Variants in FAM83H observed in about 807,000 individuals in gnomAD.
FAM83H encodes the protein scaffolding CK1 anchoring protein H, also known as protein FAM83H.
FAM83H carries 24 observed loss-of-function variants against 30.2 expected under a neutral mutation model. The ratio of observed to expected loss-of-function variants is 0.79; its 90% CI spans 0.57 to 1.12. The LOEUF (loss-of-function observed/expected upper bound fraction) is 1.12, where lower values mean the gene tolerates loss of function less well. FAM83H is among the 50% of genes most tolerant of loss of function. The pLI is 0.00. For missense variants in FAM83H, 2,038 were observed against 1,773.9 expected (o/e 1.15, Z -2.67); for synonymous variants, 1,013 against 821.7 (o/e 1.23, Z -3.98).
At position 143,726,941 on chromosome 8, in the gene FAM83H, G is replaced by C. The variant is rs782215806; in HGVS notation, c.2520C>G (p.Ser840Arg). 6 of 1,611,166 alleles carry C rather than the reference G, an allele frequency of 3.7e-6. No individual in the cohort carries two copies. The African/African-American group carries it at 6.7e-5, about 18-fold the overall frequency. ...RLPSRFLSAQ[S>R]HSTSPQGLDS... ...CCAGCCCTTGCGGGGACGTTGAGTG[G>C]CTCTGGGCAGAGAGGAAGCGGGAAG... Residue 840 changes from serine (S) to arginine (R), a missense_variant, in exon 5 of 5, where the codon AGC (serine) becomes AGG (arginine). Coordinates refer to ENST00000388913, the MANE Select transcript of FAM83H (RefSeq NM_198488.5).
In FAM83H at chr8:143,726,009, C is replaced by T. The variant is rs782249917; in HGVS notation, c.3452G>A (p.Gly1151Glu). 1 of 1,612,716 alleles carries T rather than the reference C, an allele frequency of 6.2e-7. No individual in the cohort carries two copies. The highest frequency in any genetic ancestry group is 8.5e-7 in the Non-Finnish European group (1 of 1,179,812). The change falls in exon 5 of 5, where the codon GGG becomes GAG. Residue 1151 changes from glycine (G) to glutamate (E), a missense_variant. Gly to Glu is a moderately conservative substitution (Grantham distance 98). Transcript: ENST00000388913. The part of the protein sequence containing the change: ...KKEEASSPGA[G>E]EGPAEEGTRD... ...GGTGCCCTCCTCCGCGGGGCCTTCC[C>T]CTGCCCCAGGGCTGCTGGCCTCCTC...
rs782441160 is a variant in FAM83H at position 143,726,742 on chromosome 8, C to G, written c.2719G>C (p.Ala907Pro). ...FIEQKGSPTS[A>P]YPERRGSPVP... ...GGACTACCCCTGCGCTCGGGGTAGG[C>G]TGAGGTGGGGCTCCCCTTCTGCTCG... The change falls in exon 5 of 5, where the codon GCC (alanine) becomes CCC (proline). Residue 907 changes from alanine to proline, a missense_variant. Ala to Pro is a conservative substitution (Grantham distance 27). Transcript: ENST00000388913. The G allele has an allele frequency of 1.1e-5, 18 of 1,612,106 alleles. No homozygotes were observed. The highest frequency in any genetic ancestry group is 1.3e-5 in the African/African-American group (1 of 74,912).
In FAM83H at chr8:143,728,075, C is replaced by A. The variant is rs781820772; in HGVS notation, c.1386G>T (p.Pro462=). The A allele has an allele frequency of 1.3e-5, 21 of 1,610,408 alleles. No homozygotes were observed. In the East Asian group the frequency reaches 4.0e-4, roughly 31 times the overall value. The change falls in exon 5 of 5, where the codon CCG becomes CCT. Residue 462 remains proline (P), a synonymous_variant. Coordinates refer to ENST00000388913, the MANE Select transcript of FAM83H (RefSeq NM_198488.5). ...CTTGCGGGCGCGCCGGCGTGAGCTG[C>A]GGGTCCCACTGGTACTGCTGCTGGT... The part of the protein sequence containing the change: ...QLYQQQYQWD[P]QLTPARPQGL...
Position 143,733,729 on chromosome 8 carries a change from G to C in FAM83H, c.-54C>G, listed in dbSNP as rs1554625103. ...CGGGGTCTCGGCACAGGGGCAGCAG[G>C]AGCCGACCGCCGCCCAGCGGCCTCG... is the stretch of plus-strand genomic sequence containing the variant. On this transcript the variant is annotated 5_prime_UTR_variant, in exon 1 of 5. Coordinates refer to ENST00000388913, the MANE Select transcript of FAM83H (RefSeq NM_198488.5). This position sits in a 1 kb window ranked among gnomAD's most constrained non-coding sequence, Gnocchi z 5.6. The C allele has an allele frequency of 6.7e-6, 1 of 149,708 alleles. No individual in the cohort carries two copies. Among genetic ancestry groups the C allele is most frequent in the Non-Finnish European group, 1.5e-5 (1 of 67,032 alleles). The allele number at this position is 149,708 out of a possible 1,614,324, so 9.3% of individuals were successfully genotyped here.
intron 1 of FAM83H, chr8:143,731,512 C>T: frequency 1.0e-6 from 1 of 985,484 alleles, no homozygotes; most frequent in African/African-American, 1.7e-5. Flanking sequence ...ACAGCCCATT[C>T]TATGACCGCC....
Position 143,726,068 on chromosome 8 carries a change from G to C in FAM83H, c.3393C>G (p.Arg1131=). Residue 1131 remains arginine (R), a synonymous_variant, in exon 5 of 5, where the codon CGC becomes CGG. Coordinates refer to ENST00000388913, the MANE Select transcript of FAM83H (RefSeq NM_198488.5). Reference sequence around the variant, plus strand: ...AGAAGACCTCGAAGCGGCTGTACACGCGCTTCTCCTTGCGCATGCTCTCCA... The same window carrying C: ...AGAAGACCTCGAAGCGGCTGTACACCCGCTTCTCCTTGCGCATGCTCTCCA... The part of the protein sequence containing the change: ...RRMESMRKEK[R]VYSRFEVFCK... 6.2e-7 allele frequency: 1 copy of C among 1,612,214 alleles called. No homozygotes were observed. The highest frequency in any genetic ancestry group is 1.1e-5 in the South Asian group (1 of 90,986).
intron 1 of FAM83H, chr8:143,732,180 G>A (rs1818544098): frequency 1.0e-6 from 1 of 985,312 alleles, no homozygotes; most frequent in African/African-American, 1.7e-5. Context: ...GCCCCTGGGG[G>A]TGACATGGAG....
In FAM83H at chr8:143,728,367, C is replaced by T. The variant is rs1285519054; in HGVS notation, c.1094G>A (p.Gly365Asp). The T allele has an allele frequency of 9.1e-6, 14 of 1,542,056 alleles. No individual in the cohort carries two copies. The highest frequency in any genetic ancestry group is 1.2e-5 in the South Asian group (1 of 83,710). Residue 365 changes from glycine to aspartate, a missense_variant, in exon 5 of 5, where the codon GGC becomes GAC. By Grantham distance (94) the Gly-to-Asp change is moderately conservative (BLOSUM62 -1). Coordinates refer to ENST00000388913, the MANE Select transcript of FAM83H (RefSeq NM_198488.5). The stretch of plus-strand genomic sequence containing the variant: ...CAGCCCCGCGTGCGGTTCCAGCGCG[C>T]CCCCCGGCATCCGCGGCGGCTCCTC... ...RREEPPRMPG[G>D]ALEPHAGLRP... is the part of the protein sequence containing the mutation.
Position 143,727,927 on chromosome 8 carries a change from G to C in FAM83H, c.1534C>G (p.Pro512Ala). 1 of 1,534,652 alleles carries C rather than the reference G, an allele frequency of 6.5e-7. No homozygotes were observed. The highest frequency in any genetic ancestry group is 8.7e-7 in the Non-Finnish European group (1 of 1,146,976). ...PDGHQRLDYV[P>A]SSASREVRHG... ...CGCACCTCGCGGGACGCGCTGGACG[G>C]CACGTAGTCCAGCCGCTGGTGCCCG... Residue 512 changes from proline (P) to alanine (A), a missense_variant, in exon 5 of 5, where the codon CCG (proline) becomes GCG (alanine). Pro to Ala is a conservative substitution (Grantham distance 27, BLOSUM62 -1). Coordinates refer to ENST00000388913, the MANE Select transcript of FAM83H (RefSeq NM_198488.5).
intron 2 of FAM83H, 82 bp from the exon 3 acceptor site, chr8:143,729,405 G>A (rs1818430916): frequency 2.0e-6 from 3 of 1,528,256 alleles, no homozygotes; most frequent in East Asian, 2.3e-5. Context: ...CACCCGGGAG[G>A]TGTCTGGATC....
chr8:143,730,520 C>G lies in FAM83H; in HGVS notation c.63G>C (p.Pro21=), dbSNP rs782779929. The G allele has an allele frequency of 5.1e-6, 8 of 1,583,460 alleles. No homozygotes were observed. In the African/African-American group the frequency reaches 6.7e-5, roughly 13 times the overall value. Residue 21 remains proline (P), a synonymous_variant, in exon 2 of 5, where the codon CCG becomes CCC. Transcript: ENST00000388913. The part of the protein sequence containing the change: ...GDNPLAPGYL[P]PHYKEYYRLA... ...GGCGGTAGTACTCTTTGTAGTGAGG[C>G]GGCAGGTACCCGGGTGCCAGTGGGT...
Position 143,730,298 on chromosome 8 carries a change from G to A in FAM83H, c.285C>T (p.Tyr95=). Residue 95 remains tyrosine (Y), a synonymous_variant, in exon 2 of 5, where the codon TAC becomes TAT. Transcript: ENST00000388913. ...DVDMDGSSGT[Y]WPVNSDQAVP... is the part of the protein sequence containing the mutation. ...CGGCCTGGTCTGAGTTCACTGGCCA[G>A]TATGTACCCGAGGAGCCATCCATGT... 1.2e-6 allele frequency: 2 copies of A among 1,613,562 alleles called. No homozygotes were observed. The highest frequency in any genetic ancestry group is 1.7e-6 in the Non-Finnish European group (2 of 1,180,036).
At chr8:143,731,300 C>T (rs1336069549) in intron 1 of FAM83H, 6 of 983,546 alleles carry the variant, frequency 6.1e-6, no homozygotes, top group Non-Finnish European at 1.2e-6. Flanking sequence ...GCCTGGGAGA[C>T]TGTGGGTAGG....
chr8:143,728,863 C>G (rs1381636507), intron 4 of FAM83H, 104 bp downstream of exon 4: 1 of 1,601,638 alleles, frequency 6.2e-7, no homozygotes, highest in African/African-American at 1.3e-5. Context: ...CAGGGGTCTA[C>G]AGGACAAGGG....
chr8:143,726,095 G>T lies in FAM83H; in HGVS notation c.3366C>A (p.Arg1122=), dbSNP rs782455253. 2 of 1,611,390 alleles carry T rather than the reference G, an allele frequency of 1.2e-6. No individual in the cohort carries two copies. The highest frequency in any genetic ancestry group is 2.7e-5 in the African/African-American group (2 of 75,028). The change falls in exon 5 of 5, where the codon CGC becomes CGA. Residue 1122 remains arginine (R), a synonymous_variant. Coordinates refer to ENST00000388913, the MANE Select transcript of FAM83H (RefSeq NM_198488.5). ...SAEERDRLLR[R]MESMRKEKRV... ...GCTTCTCCTTGCGCATGCTCTCCAT[G>T]CGGCGCAGCAGCCGATCGCGCTCCT...
Position 143,730,339 on chromosome 8 carries a change from T to C in FAM83H, c.244A>G (p.Ser82Gly), listed in dbSNP as rs1818470156. The change falls in exon 2 of 5, where the codon AGC (serine) becomes GGC (glycine). Residue 82 changes from serine (S) to glycine (G), a missense_variant. Coordinates refer to ENST00000388913, the MANE Select transcript of FAM83H (RefSeq NM_198488.5). ...QYVTREPPEG[S>G]LLDVDMDGSS... ...CCATCCATGTCCACGTCGAGAAGGC[T>C]GCCTTCAGGTGGCTCTCGGGTAACA... is the stretch of plus-strand genomic sequence containing the variant. The C allele has an allele frequency of 6.2e-7, 1 of 1,613,806 alleles. No homozygotes were observed. The highest frequency in any genetic ancestry group is 8.5e-7 in the Non-Finnish European group (1 of 1,180,020).
chr8:143,732,697 T>C (rs781843968), intron 1 of FAM83H: 19 of 985,232 alleles, frequency 1.9e-5, no homozygotes, highest in African/African-American at 5.2e-5. Flanking sequence ...TCTCCTTTCA[T>C]GGGTACGTGT....
In FAM83H at chr8:143,730,463, C is replaced by T. The variant is rs118023699; in HGVS notation, c.120G>A (p.Ser40=). Residue 40 remains serine, a synonymous_variant, in exon 2 of 5, where the codon TCG becomes TCA. Coordinates refer to ENST00000388913, the MANE Select transcript of FAM83H (RefSeq NM_198488.5). ...LAVDALAEGG[S]EAYSRFLATE... is the part of the protein sequence containing the mutation. ...TAGCGAGGAAGCGGCTGTAGGCCTC[C>T]GAGCCACCCTCGGCCAGTGCATCCA... 26,582 of 1,611,242 alleles carry T rather than the reference C, an allele frequency of 0.016. 254 individuals carry two copies. Among genetic ancestry groups the T allele is most frequent in the Non-Finnish European group, 0.019 (22,325 of 1,179,522 alleles).
rs1474689257 is a variant in FAM83H, at chr8:143,724,117, C to T, written c.*1804G>A. The T allele has an allele frequency of 2.0e-5, 3 of 152,254 alleles. No homozygotes were observed. Among genetic ancestry groups the T allele is most frequent in the Non-Finnish European group, 4.4e-5 (3 of 68,074 alleles). The allele number at this position is 152,254 out of a possible 1,614,324, so 9.4% of individuals were successfully genotyped here. ...CCAGGCAGCACCAAGAATAACATGC[C>T]CACAAGAACATCATGGCCAAGAGAC... On this transcript the variant is annotated 3_prime_UTR_variant, in exon 5 of 5. Transcript: ENST00000388913.
Sources: allele counts gnomAD v4.1 joint callset, GRCh38; gene constraint gnomAD v4.1.1; non-coding constraint Gnocchi (gnomAD v3.1); transcripts MANE v1.5; gene names NCBI Gene and HGNC (gene_info 2026-07-23, HGNC 2026-07-21).